The following ZNF431 variants were observed in gnomAD, a reference collection of about 807,000 sequenced individuals.
ZNF431 encodes the protein zinc finger protein 431.
ZNF431 carries 34 observed loss-of-function variants against 57.0 expected under a neutral mutation model. The ratio of observed to expected loss-of-function variants is 0.60; its 90% confidence interval spans 0.45 to 0.79. The LOEUF (loss-of-function observed/expected upper bound fraction) is 0.79, where lower values mean the gene tolerates loss of function less well. Ranked by LOEUF, ZNF431 falls within the 30% of genes least tolerant of loss-of-function variation. The pLI, the probability that ZNF431 is intolerant of heterozygous loss-of-function variation, is 0.00. For synonymous variants in ZNF431, 207 were observed against 220.3 expected (o/e 0.94, Z 0.54); for missense variants, 607 against 667.1 (o/e 0.91, Z 0.99).
rs1352389097 is a variant in ZNF431 at position 21,143,815 on chromosome 19, G to C, written c.96+172G>C. On this transcript the variant is annotated intron_variant, in intron 2 of 4. Coordinates refer to ENST00000311048, the MANE Select transcript of ZNF431 (RefSeq NM_133473.4). ...AGATAATGAAATAAATATAGTGGAA[G>C]AAAAATAGTGTTAAAAAGTGAAAAA... Among the ~76,000 whole-genome samples the C allele has an allele frequency of 2.6e-5, 4 of 152,054 alleles. No individual in the cohort carries two copies. In the East Asian group the frequency reaches 7.7e-4, roughly 29 times the overall value.
chr19:21,154,390 G>A (rs918202386), intron 2 of ZNF431, among the ~76,000 whole-genome samples: 6 of 152,136 alleles, frequency 3.9e-5, no homozygotes, highest in Admixed American at 6.6e-5. Flanking sequence ...TGGTGTATAT[G>A]TGCCACATTT....
At chr19:21,162,144 TTGTGTGTGTGTGTG>T (rs749424799) in intron 2 of ZNF431, among the ~76,000 whole-genome samples, 28 of 66,176 alleles carry the variant, frequency 4.2e-4, no homozygotes, top group African/African-American at 9.4e-4. Context: ...ATCCAGCTAA[TTGTGTGTGTGTGTG>T]TGTGTGTGTG....
At chr19:21,172,837 C>T (rs1970944287) in intron 4 of ZNF431, among the ~76,000 whole-genome samples, 1 of 152,146 alleles carries the variant, frequency 6.6e-6, no homozygotes, top group African/African-American at 2.4e-5. Context: ...AATATATTCA[C>T]ATTGTTCTGC....
Position 21,190,140 on chromosome 19 carries a change from T to C in ZNF431, c.*6106T>C. 2.8e-6 allele frequency: 1 copy of C among 362,450 alleles called. No individual in the cohort carries two copies. Among genetic ancestry groups the C allele is most frequent in the East Asian group, 4.0e-5 (1 of 24,878 alleles). 22.5% of individuals were successfully genotyped at this position (362,450 alleles called of 1,614,324 possible). ...ACTGAGATCATGCCACTGCACTCCA[T>C]CCTGGGCAACAGAGTGAGACTCGGT... On this transcript the variant is annotated 3_prime_UTR_variant, in exon 5 of 5. Transcript: ENST00000311048.
chr19:21,175,594 A>AT (rs1364579389), intron 4 of ZNF431: 4 of 519,480 alleles, frequency 7.7e-6, no homozygotes, highest in Non-Finnish European at 1.4e-5. Context: ...CCCGTGACAG[A>AT]CCCCAGTGTG....
chr19:21,184,363 C>T lies in ZNF431; in HGVS notation c.*329C>T, dbSNP rs987356223. On this transcript the variant is annotated 3_prime_UTR_variant, in exon 5 of 5. Transcript: ENST00000311048. ...GACTCCGTCTCAAAAAAAATTTATACTGTACAAAAACCCCACAAGTGTGAA... is the reference window on the plus strand; with the variant it reads ...GACTCCGTCTCAAAAAAAATTTATATTGTACAAAAACCCCACAAGTGTGAA... 3.5e-4 allele frequency: 67 copies of T among 191,162 alleles called. No individual in the cohort carries two copies. Among genetic ancestry groups the T allele is most frequent in the African/African-American group, 1.5e-3 (65 of 42,472 alleles). The allele number at this position is 191,162 out of a possible 1,614,324, so 11.8% of individuals were successfully genotyped here.
intron 2 of ZNF431, among the ~76,000 whole-genome samples, chr19:21,156,715 C>G (rs1970427815): frequency 1.3e-5 from 2 of 150,522 alleles, no homozygotes; most frequent in Admixed American, 6.6e-5. Context: ...TTTTAATGGC[C>G]ACATAATCTT....
In ZNF431 at chr19:21,144,925, A is replaced by G. The variant is rs548271114; in HGVS notation, c.96+1282A>G. Among the ~76,000 whole-genome samples, 9 of 152,330 alleles carry G rather than the reference A, an allele frequency of 5.9e-5. No individual in the cohort carries two copies. In the South Asian group the frequency reaches 6.2e-4, roughly 11 times the overall value. On this transcript the variant is annotated intron_variant, in intron 2 of 4. Coordinates refer to ENST00000311048, the MANE Select transcript of ZNF431 (RefSeq NM_133473.4). ...TACATTTTATGAGATGAAACTTGGT[A>G]TCACCTAGAAGTATTCCCATATAAC...
intron 2 of ZNF431, among the ~76,000 whole-genome samples, chr19:21,159,473 A>G (rs896139172): frequency 6.6e-6 from 1 of 152,112 alleles, no homozygotes; most frequent in Admixed American, 6.5e-5. Flanking sequence ...CCCGAGCTCA[A>G]GTGATTCGCC....
intron 2 of ZNF431, chr19:21,151,342 A>T (rs1462168948): frequency 6.6e-6 from 1 of 152,158 alleles, no homozygotes; most frequent in Non-Finnish European, 1.5e-5. Flanking sequence ...GTGTGAGCCA[A>T]TGACCACAGT....
rs1448396769 is a variant in ZNF431, at chr19:21,183,143, A to G, written c.840A>G (p.Ile280Met). 1 of 1,613,760 alleles carries G rather than the reference A, an allele frequency of 6.2e-7. No homozygotes were observed. The change falls in exon 5 of 5, where the codon ATA (isoleucine) becomes ATG (methionine). Residue 280 changes from isoleucine to methionine, a missense_variant. Coordinates refer to ENST00000311048, the MANE Select transcript of ZNF431 (RefSeq NM_133473.4). The stretch of plus-strand genomic sequence containing the variant: ...CCTCAACCCTTACTACACATAAGAT[A>G]ATTCATACTGGGGAGAAACCATATA... ...KQSSTLTTHK[I>M]IHTGEKPYRC... is the part of the protein sequence containing the mutation.
Position 21,186,094 on chromosome 19 carries a change from C to G in ZNF431, c.*2060C>G, listed in dbSNP as rs1971369085. 1 of 151,940 alleles carries G rather than the reference C, an allele frequency of 6.6e-6. No homozygotes were observed. Among genetic ancestry groups the G allele is most frequent in the South Asian group, 2.1e-4 (1 of 4,818 alleles). The allele number at this position is 151,940 out of a possible 1,614,324, so 9.4% of individuals were successfully genotyped here. A position where few individuals can be genotyped will look rare whatever the true frequency, so the allele number is the denominator to read the frequency against. On this transcript the variant is annotated 3_prime_UTR_variant, in exon 5 of 5. Transcript: ENST00000311048. Reference sequence around the variant, plus strand: ...GGTCAGCAGTTCGAGACCAGCATGGCCAATATGGAGAAATCCCGTCTCTAC... The same window carrying G: ...GGTCAGCAGTTCGAGACCAGCATGGGCAATATGGAGAAATCCCGTCTCTAC...
At chr19:21,145,833 C>A (rs1015410783) in intron 2 of ZNF431, among the ~76,000 whole-genome samples, 1 of 151,938 alleles carries the variant, frequency 6.6e-6, no homozygotes, top group African/African-American at 2.4e-5. Context: ...TAGGGAGGAG[C>A]AAACAGGATT....
At chr19:21,161,504 T>C (rs1970564155) in intron 2 of ZNF431, among the ~76,000 whole-genome samples, 1 of 152,138 alleles carries the variant, frequency 6.6e-6, no homozygotes, top group East Asian at 1.9e-4. Context: ...TGTTATAACA[T>C]TGAAAGGGCA....
intron 2 of ZNF431, among the ~76,000 whole-genome samples, chr19:21,161,386 TTTA>T (rs1455358467): frequency 1.3e-5 from 2 of 152,158 alleles, no homozygotes; most frequent in African/African-American, 4.8e-5. Flanking sequence ...ACAGGAGAAT[TTTA>T]TTATTATTCG....
intron 2 of ZNF431, among the ~76,000 whole-genome samples, chr19:21,162,932 C>T (rs935014798): frequency 5.3e-5 from 8 of 151,872 alleles, no homozygotes; most frequent in African/African-American, 1.9e-4. Context: ...CTCTAAACTA[C>T]ATTAAATTCT....
chr19:21,160,170 T>G (rs1970534151), intron 2 of ZNF431, among the ~76,000 whole-genome samples: 1 of 152,092 alleles, frequency 6.6e-6, no homozygotes, highest in African/African-American at 2.4e-5. Flanking sequence ...GGCCAGACTT[T>G]GGATTGAGAA....
intron 2 of ZNF431, among the ~76,000 whole-genome samples, chr19:21,161,297 CA>C (rs370670019): frequency 1.1e-4 from 16 of 152,144 alleles, no homozygotes; most frequent in African/African-American, 3.4e-4. Flanking sequence ...TAGATGTGTA[CA>C]AAAAAACTTG....
At chr19:21,152,959 A>G (rs1207989648) in intron 2 of ZNF431, among the ~76,000 whole-genome samples, 1 of 152,216 alleles carries the variant, frequency 6.6e-6, no homozygotes, top group Non-Finnish European at 1.5e-5. Flanking sequence ...GTTAATGAAG[A>G]AAGTAAGTAA....
Sources: allele counts gnomAD v4.1 joint callset (sites outside exome capture counted in the v4.1 genomes callset), GRCh38; gene constraint gnomAD v4.1.1; transcripts MANE v1.5; gene names NCBI Gene and HGNC (gene_info 2026-07-23, HGNC 2026-07-21).